ZMAT4: variants seen among roughly 807,000 people sequenced by gnomAD.
ZMAT4 encodes the protein zinc finger matrin-type 4, also known as zinc finger matrin-type protein 4.
In ZMAT4, 17 loss-of-function variants were observed where a neutral mutation model predicts 28.7. The ratio of observed to expected loss-of-function variants is 0.59; its 90% CI spans 0.41 to 0.89. ZMAT4 has a LOEUF of 0.89. Among genes scored for constraint, ZMAT4 ranks in the 40% least tolerant of loss-of-function variants. The pLI is 0.00. For missense variants in ZMAT4, 240 were observed against 283.8 expected (o/e 0.85, Z 1.11); for synonymous variants, 117 against 109.2 (o/e 1.07, Z -0.44).
intron 1 of ZMAT4, among the ~76,000 whole-genome samples, chr8:40,895,836 C>T (rs1031609242): frequency 6.6e-5 from 10 of 152,204 alleles, no homozygotes; most frequent in African/African-American, 9.6e-5. Context: ...CATGCAAGAT[C>T]CCCCACGTGC....
intron 3 of ZMAT4, among the ~76,000 whole-genome samples, chr8:40,730,651 C>T (rs58361370): frequency 0.27 from 41,591 of 151,920 alleles, 6,576 homozygotes; most frequent in East Asian, 0.56. Context: ...TTGACATAGC[C>T]TGGTGGGGAT....
At chr8:40,707,976 GT>G (rs1319723062) in intron 3 of ZMAT4, among the ~76,000 whole-genome samples, 1 of 152,142 alleles carries the variant, frequency 6.6e-6, no homozygotes, top group South Asian at 2.1e-4. Context: ...CAGTGGTATC[GT>G]TTTTTTAAAA....
At chr8:40,697,510 G>A (rs1809944818) in intron 3 of ZMAT4, 109 bp from the exon 4 acceptor site, 1 of 1,143,708 alleles carries the variant, frequency 8.7e-7, no homozygotes, top group Non-Finnish European at 1.1e-6. Flanking sequence ...TTTTTGTTCT[G>A]CAAGCTGTCT....
At chr8:40,792,493 AAGGAAGGAAGGAAGG>A (rs1814378019) in intron 2 of ZMAT4, among the ~76,000 whole-genome samples, 1 of 24,116 alleles carries the variant, frequency 4.1e-5, no homozygotes, top group African/African-American at 1.5e-4. Context: ...GGAAGGAAGG[AAGGAAGGAAGGAAGG>A]AAGGAAGGAA....
At chr8:40,589,320 G>T (rs1029207651) in intron 5 of ZMAT4, among the ~76,000 whole-genome samples, 3 of 152,130 alleles carry the variant, frequency 2.0e-5, no homozygotes, top group Admixed American at 2.0e-4. Flanking sequence ...ACACATTCTG[G>T]CTGTAGAGTC....
intron 1 of ZMAT4, among the ~76,000 whole-genome samples, chr8:40,892,920 C>T (rs1400646452): frequency 6.6e-6 from 1 of 152,230 alleles, no homozygotes; most frequent in African/African-American, 2.4e-5. Flanking sequence ...AGATCTGTGG[C>T]TCCTGCCTCA....
At chr8:40,882,469 G>A (rs973830984) in intron 1 of ZMAT4, among the ~76,000 whole-genome samples, 10 of 152,056 alleles carry the variant, frequency 6.6e-5, no homozygotes, top group East Asian at 1.9e-4. Flanking sequence ...TGTGAAAGTC[G>A]GACACAGGTA....
chr8:40,718,949 G>T (rs1205775608), intron 3 of ZMAT4, among the ~76,000 whole-genome samples: 1 of 152,088 alleles, frequency 6.6e-6, no homozygotes, highest in Non-Finnish European at 1.5e-5. Flanking sequence ...CACTGACCTG[G>T]AATCCCAGGA....
chr8:40,741,874 C>T (rs1020772097), intron 3 of ZMAT4, among the ~76,000 whole-genome samples: 23 of 152,002 alleles, frequency 1.5e-4, no homozygotes, highest in Admixed American at 1.4e-3. Context: ...CAATATAACA[C>T]CAAACAAGAA....
chr8:40,595,039 G>T (rs16889640), intron 5 of ZMAT4, among the ~76,000 whole-genome samples: 12,747 of 152,108 alleles, frequency 0.084, 569 homozygotes, highest in East Asian at 0.16. Context: ...TTATTAAATG[G>T]GTAATTAGTT....
intron 3 of ZMAT4, among the ~76,000 whole-genome samples, chr8:40,715,511 AT>A (rs568040065): frequency 6.6e-6 from 1 of 152,230 alleles, no homozygotes; most frequent in Non-Finnish European, 1.5e-5. Context: ...ATGCAAAATT[AT>A]TTTTTTCTTT....
At chr8:40,839,283 C>T (rs113999053) in intron 1 of ZMAT4, among the ~76,000 whole-genome samples, 1,528 of 152,298 alleles carry the variant, frequency 0.01, 26 homozygotes, top group African/African-American at 0.035. Flanking sequence ...CAAGGGCCAG[C>T]GACAGGCAGC....
intron 3 of ZMAT4, among the ~76,000 whole-genome samples, chr8:40,708,571 T>TTCTC (rs36210172): frequency 0.08 from 9,701 of 120,780 alleles, 468 homozygotes; most frequent in Middle Eastern, 0.14. Flanking sequence ...TACACACTCT[T>TTCTC]TCTCTCTCTC....
At chr8:40,800,780 C>T (rs1814799599) in intron 2 of ZMAT4, among the ~76,000 whole-genome samples, 1 of 151,820 alleles carries the variant, frequency 6.6e-6, no homozygotes, top group South Asian at 2.1e-4. Flanking sequence ...GCATTGAATG[C>T]ATACATCAGA....
chr8:40,848,620 C>T (rs1215544646), intron 1 of ZMAT4, among the ~76,000 whole-genome samples: 1 of 152,106 alleles, frequency 6.6e-6, no homozygotes, highest in Non-Finnish European at 1.5e-5. Flanking sequence ...CTCCAAGCCT[C>T]AGTTGACTCA....
chr8:40,886,032 C>T (rs1003977329), intron 1 of ZMAT4, among the ~76,000 whole-genome samples: 1 of 152,200 alleles, frequency 6.6e-6, no homozygotes, highest in Non-Finnish European at 1.5e-5. Flanking sequence ...GTGTACCTAC[C>T]AATTCCCAAC....
chr8:40,723,205 C>T (rs1328207041), intron 3 of ZMAT4, among the ~76,000 whole-genome samples: 1 of 152,172 alleles, frequency 6.6e-6, no homozygotes, highest in Non-Finnish European at 1.5e-5. Flanking sequence ...TGAGTATCTA[C>T]ATTTAGAGCC....
At chr8:40,771,084 C>T (rs1446499694) in intron 2 of ZMAT4, among the ~76,000 whole-genome samples, 1 of 152,012 alleles carries the variant, frequency 6.6e-6, no homozygotes, top group Non-Finnish European at 1.5e-5. Flanking sequence ...GCAGATTTAA[C>T]AACAGAAGGC....
intron 2 of ZMAT4, among the ~76,000 whole-genome samples, chr8:40,820,411 AGT>A (rs957633156): frequency 1.4e-4 from 19 of 137,704 alleles, no homozygotes; most frequent in Admixed American, 1.2e-3. Context: ...TGTGTGTGAA[AGT>A]GTGTGTATAG....
Sources: allele counts gnomAD v4.1 joint callset (sites outside exome capture counted in the v4.1 genomes callset), GRCh38; gene constraint gnomAD v4.1.1; transcripts MANE v1.5; gene names NCBI Gene and HGNC (gene_info 2026-07-23, HGNC 2026-07-21).